SLIT1: variants seen among roughly 807,000 people sequenced by gnomAD.
SLIT1 encodes the protein slit homolog 1 protein.
Under a neutral mutation model 186.1 loss-of-function variants are expected in SLIT1, and 66 were observed. The observed-to-expected ratio is 0.35, with a 90% CI of 0.29 to 0.44. SLIT1 has a LOEUF of 0.44. Among genes scored for constraint, SLIT1 ranks in the 20% least tolerant of loss-of-function variants. The pLI is 1.00. For missense variants in SLIT1, 1,638 were observed against 2,037.4 expected (o/e 0.80, Z 3.77); for synonymous variants, 761 against 833.8 (o/e 0.91, Z 1.50).
intron 13 of SLIT1, among the ~76,000 whole-genome samples, chr10:97,049,587 G>A (rs371346025): frequency 2.6e-5 from 4 of 152,148 alleles, no homozygotes; most frequent in East Asian, 3.9e-4. Context: ...GTGGCCATGG[G>A]CCCTGGTTTG....
At chr10:97,050,740 C>T (rs1356069885) in intron 13 of SLIT1, among the ~76,000 whole-genome samples, 2 of 152,152 alleles carry the variant, frequency 1.3e-5, no homozygotes, top group Admixed American at 1.3e-4. Context: ...CCTTTATTAC[C>T]ATCTTGGCAG....
rs150754287 is a variant in SLIT1 at position 97,179,800 on chromosome 10, T to TCCCCCCCCCCCC, written c.197+5677_197+5678insGGGGGGGGGGGG. Among the ~76,000 whole-genome samples the TCCCCCCCCCCCC allele has an allele frequency of 7.8e-4, 98 of 126,282 alleles. 1 individual carries two copies. Among genetic ancestry groups the TCCCCCCCCCCCC allele is most frequent in the South Asian group, 1.4e-3 (5 of 3,688 alleles). The allele number at this position is 126,282 out of a possible 152,430, so 82.8% of individuals were successfully genotyped here. A position where few individuals can be genotyped will look rare whatever the true frequency, so the allele number is the denominator to read the frequency against. On this transcript the variant is annotated intron_variant, in intron 1 of 36. Coordinates refer to ENST00000266058, the MANE Select transcript of SLIT1 (RefSeq NM_003061.3). ...AAAGAGGAGCCAATTCTCCACACCC[T>TCCCCCCCCCCCC]CCCCGCCCCCCGGCACAGCCCAGCT...
chr10:97,114,427 G>T (rs1379837226), intron 4 of SLIT1, among the ~76,000 whole-genome samples: 1 of 152,212 alleles, frequency 6.6e-6, no homozygotes, highest in Non-Finnish European at 1.5e-5. Flanking sequence ...GGCCAAGGCA[G>T]GAGGATCATT....
At chr10:97,164,282 CAG>C (rs1397354664) in intron 2 of SLIT1, among the ~76,000 whole-genome samples, 1 of 55,854 alleles carries the variant, frequency 1.8e-5, no homozygotes, top group African/African-American at 4.7e-5. Flanking sequence ...GGGGGCAGGG[CAG>C]GGGGGGGAAC....
At chr10:97,118,197 A>G (rs961431945) in intron 4 of SLIT1, among the ~76,000 whole-genome samples, 1 of 152,240 alleles carries the variant, frequency 6.6e-6, no homozygotes, top group African/African-American at 2.4e-5. Flanking sequence ...TGGTATAAGA[A>G]GGTTTTAGGC....
chr10:97,173,494 CTTTT>C (rs71007318), intron 1 of SLIT1, among the ~76,000 whole-genome samples: 107 of 128,144 alleles, frequency 8.3e-4, no homozygotes, highest in Admixed American at 7.9e-4. Flanking sequence ...CAGCTCCATC[CTTTT>C]TTTTTTTTTT....
intron 1 of SLIT1, among the ~76,000 whole-genome samples, chr10:97,171,312 C>G (rs891291059): frequency 2.6e-5 from 4 of 152,108 alleles, no homozygotes; most frequent in African/African-American, 9.7e-5. Flanking sequence ...TTTGCCCCAT[C>G]CCACCTGCCA....
chr10:97,033,262 G>C (rs1050852805), intron 23 of SLIT1, among the ~76,000 whole-genome samples: 1 of 152,220 alleles, frequency 6.6e-6, no homozygotes, highest in Admixed American at 6.5e-5. Flanking sequence ...AGCTCCTGGA[G>C]AATGGCTGGG....
intron 4 of SLIT1, among the ~76,000 whole-genome samples, chr10:97,141,951 C>T (rs1849770597): frequency 6.6e-6 from 1 of 152,058 alleles, no homozygotes. Context: ...AGGTGTGTAC[C>T]ACCACACCCA....
intron 4 of SLIT1, among the ~76,000 whole-genome samples, chr10:97,067,749 G>A (rs2134643067): frequency 6.6e-6 from 1 of 152,270 alleles, no homozygotes; most frequent in East Asian, 1.9e-4. Flanking sequence ...GGGTCCTGAA[G>A]GTGAACAACC....
In SLIT1 at chr10:97,057,287, G is replaced by T; in HGVS notation, c.1086-6C>A. The stretch of plus-strand genomic sequence containing the variant: ...TCTTGTTTCCATAGAGGACCCTGGA[G>T]AAAAGGCAGCAGAGAGGAGGGTTAG... On this transcript the variant is annotated splice_polypyrimidine_tract_variant and splice_region_variant and intron_variant, in intron 11 of 36. Transcript: ENST00000266058. The T allele has an allele frequency of 6.2e-7, 1 of 1,613,400 alleles. No homozygotes were observed. The highest frequency in any genetic ancestry group is 8.5e-7 in the Non-Finnish European group (1 of 1,179,694).
intron 2 of SLIT1, among the ~76,000 whole-genome samples, chr10:97,163,899 A>T (rs1021254866): frequency 6.6e-6 from 1 of 152,158 alleles, no homozygotes; most frequent in African/African-American, 2.4e-5. Context: ...GAACGGGGGG[A>T]CCGGCCAGTA....
chr10:97,012,308 A>G (rs1848418985), intron 30 of SLIT1, among the ~76,000 whole-genome samples: 4 of 152,222 alleles, frequency 2.6e-5, no homozygotes, highest in Admixed American at 2.6e-4. Flanking sequence ...GTCTGGAGTT[A>G]CAGTCTGAAA....
At chr10:97,093,818 G>A (rs952276487) in intron 4 of SLIT1, among the ~76,000 whole-genome samples, 10 of 152,354 alleles carry the variant, frequency 6.6e-5, no homozygotes, top group East Asian at 1.9e-4. Context: ...CAGAAACACC[G>A]TCTTGCTAAG....
At chr10:97,091,218 G>A (rs770157941) in intron 4 of SLIT1, among the ~76,000 whole-genome samples, 2 of 152,182 alleles carry the variant, frequency 1.3e-5, no homozygotes, top group African/African-American at 4.8e-5. Flanking sequence ...AAACCAATTA[G>A]TGTGGATGTG....
At chr10:97,063,234 A>G (rs886225651) in intron 8 of SLIT1, among the ~76,000 whole-genome samples, 7 of 150,814 alleles carry the variant, frequency 4.6e-5, no homozygotes, top group Admixed American at 4.6e-4. Context: ...GGGCAGGAGG[A>G]GCAGACAGTG....
At chr10:97,012,601 G>T (rs889459833) in intron 30 of SLIT1, among the ~76,000 whole-genome samples, 1 of 152,216 alleles carries the variant, frequency 6.6e-6, no homozygotes, top group Non-Finnish European at 1.5e-5. Context: ...CAAGGAGGGC[G>T]CATGCTGCCC....
chr10:97,143,799 A>G (rs1849789563), intron 4 of SLIT1, among the ~76,000 whole-genome samples: 1 of 152,232 alleles, frequency 6.6e-6, no homozygotes, highest in South Asian at 2.1e-4. Context: ...TGCTGCCTCC[A>G]CGAACTTCTA....
intron 25 of SLIT1, among the ~76,000 whole-genome samples, chr10:97,027,647 C>T (rs1848557573): frequency 6.6e-6 from 1 of 152,192 alleles, no homozygotes; most frequent in South Asian, 2.1e-4. Flanking sequence ...CTAGATCTGG[C>T]TTCTGGCCTG....
Sources: allele counts gnomAD v4.1 joint callset (sites outside exome capture counted in the v4.1 genomes callset), GRCh38; gene constraint gnomAD v4.1.1; transcripts MANE v1.5; gene names NCBI Gene and HGNC (gene_info 2026-07-23, HGNC 2026-07-21).